EXT2: variants seen among roughly 807,000 people sequenced by gnomAD.
EXT2 encodes exostosin glycosyltransferase 2.
In EXT2, 53 loss-of-function variants were observed where a neutral mutation model predicts 81.6. That is an observed-to-expected ratio of 0.65 (90% confidence interval 0.52 to 0.82). EXT2 has a LOEUF of 0.82. EXT2 is among the 40% of genes least tolerant of loss of function. The probability of loss-of-function intolerance (pLI) is 0.00; values close to 1 mark genes in which losing one functional copy is unlikely to be tolerated. For missense variants in EXT2, 774 were observed against 910.2 expected (o/e 0.85, Z 1.93); for synonymous variants, 320 against 340.0 (o/e 0.94, Z 0.65).
chr11:44,236,466 G>A (rs2135268108), intron 13 of EXT2, 91 bp downstream of exon 13: 5 of 1,204,144 alleles, frequency 4.2e-6, no homozygotes, highest in Non-Finnish European at 6.0e-6. Flanking sequence ...GGAGATATAA[G>A]GACAGCAGCT....
chr11:44,212,793 TG>T (rs1342799083), intron 10 of EXT2, among the ~76,000 whole-genome samples: 18 of 151,978 alleles, frequency 1.2e-4, no homozygotes, highest in African/African-American at 4.4e-4. Flanking sequence ...ATCTCAGAAG[TG>T]TTATGCTAAG....
At chr11:44,096,871 G>C (rs921223836) in intron 1 of EXT2, among the ~76,000 whole-genome samples, 1 of 152,180 alleles carries the variant, frequency 6.6e-6, no homozygotes, top group African/African-American at 2.4e-5. Context: ...TGTAAGTCAG[G>C]TAAGTGCTCT....
intron 7 of EXT2, among the ~76,000 whole-genome samples, chr11:44,170,961 A>G (rs1955064455): frequency 6.6e-6 from 1 of 152,200 alleles, no homozygotes; most frequent in African/African-American, 2.4e-5. Context: ...GTTCTCGAAG[A>G]ACAGAAAAAG....
chr11:44,236,294 T>C lies in EXT2; in HGVS notation c.1937T>C (p.Val646Ala). The change falls in exon 13 of 14, where the codon GTA (valine) becomes GCA (alanine). Residue 646 changes from valine to alanine, a missense_variant and splice_region_variant. Val to Ala is a moderately conservative substitution (Grantham distance 64). Coordinates refer to ENST00000533608, the MANE Select transcript of EXT2 (RefSeq NM_207122.2). ...TATGTTTTTGTCCTCCTCTGGCAGG[T>C]AACCCCACGAAAGAAATTCAAGTGT... ...ANVTGKAVIKVTPRKKFKCPE... is the reference protein window; with the variant it reads ...ANVTGKAVIKATPRKKFKCPE... 6.2e-7 allele frequency: 1 copy of C among 1,614,082 alleles called. No individual in the cohort carries two copies. The highest frequency in any genetic ancestry group is 8.5e-7 in the Non-Finnish European group (1 of 1,179,982).
chr11:44,196,751 G>A (rs1184351900), intron 8 of EXT2, among the ~76,000 whole-genome samples: 1 of 152,162 alleles, frequency 6.6e-6, no homozygotes, highest in African/African-American at 2.4e-5. Context: ...ATCTGCCAGT[G>A]GCTACAATTT....
At chr11:44,185,437 A>G (rs1473986682) in intron 8 of EXT2, among the ~76,000 whole-genome samples, 1 of 152,104 alleles carries the variant, frequency 6.6e-6, no homozygotes, top group Non-Finnish European at 1.5e-5. Flanking sequence ...GGAAGGCTTC[A>G]TCTGTTTTAC....
In EXT2 at chr11:44,125,300, C is replaced by G. The variant is rs11037875; in HGVS notation, c.939+316C>G. 0.019 allele frequency among the ~76,000 whole-genome samples: 2,927 copies of G among 152,184 alleles called. 241 individuals are homozygous for G. In the East Asian group the frequency reaches 0.28, roughly 15 times the overall value. On this transcript the variant is annotated intron_variant, in intron 5 of 13. Coordinates refer to ENST00000533608, the MANE Select transcript of EXT2 (RefSeq NM_207122.2). ...GCAGGCAAATGTATCTTGCTTTTAC[C>G]CCCATATTCATAAGGCAGTCCAGAG...
At chr11:44,239,449 G>A (rs1444240197) in intron 13 of EXT2, among the ~76,000 whole-genome samples, 3 of 141,484 alleles carry the variant, frequency 2.1e-5, no homozygotes, top group African/African-American at 7.9e-5. Flanking sequence ...CTGGAGTTCA[G>A]TGGTGCAATC....
rs535678477 is a variant in EXT2, at chr11:44,250,195, G to T, written c.*5908G>T. Among the ~76,000 whole-genome samples, 9 of 152,324 alleles carry T rather than the reference G, an allele frequency of 5.9e-5. No individual in the cohort carries two copies. The South Asian group carries it at 1.7e-3, about 28-fold the overall frequency. On this transcript the variant is annotated 3_prime_UTR_variant, in exon 14 of 14. Transcript: ENST00000533608. ...AGTTCTAGTGGGAGTTCTTGAGCTT[G>T]GTAAGATGATGTGAGTCCATCAGTG... is the stretch of plus-strand genomic sequence containing the variant.
At chr11:44,140,939 T>G in intron 7 of EXT2, among the ~76,000 whole-genome samples, 1 of 152,352 alleles carries the variant, frequency 6.6e-6, no homozygotes, top group African/African-American at 2.4e-5. Flanking sequence ...AGAATTTTTA[T>G]AGTAAGTTAG....
intron 7 of EXT2, 92 bp downstream of exon 7, chr11:44,130,230 G>A: frequency 1.0e-6 from 1 of 963,076 alleles, no homozygotes; most frequent in Non-Finnish European, 1.7e-6. Flanking sequence ...ATGCCTGAGT[G>A]GGGTTTACTT....
intron 13 of EXT2, among the ~76,000 whole-genome samples, chr11:44,237,774 G>T (rs1007711548): frequency 1.3e-5 from 2 of 152,020 alleles, no homozygotes; most frequent in East Asian, 1.9e-4. Context: ...GGTTTAAAAT[G>T]CAGTGAGAGC....
intron 7 of EXT2, among the ~76,000 whole-genome samples, chr11:44,166,082 T>C (rs1012214652): frequency 7.9e-5 from 12 of 152,254 alleles, no homozygotes; most frequent in Admixed American, 2.0e-4. Context: ...GCAAGGATGC[T>C]GATTTTTAAA....
At chr11:44,113,569 TATAGGGA>T (rs1954176288) in intron 3 of EXT2, among the ~76,000 whole-genome samples, 1 of 152,292 alleles carries the variant, frequency 6.6e-6, no homozygotes, top group Admixed American at 6.5e-5. Flanking sequence ...CTGCTTCCTG[TATAGGGA>T]ATTGGGTTAA....
chr11:44,157,413 T>A (rs1407145013), intron 7 of EXT2, among the ~76,000 whole-genome samples: 1 of 152,222 alleles, frequency 6.6e-6, no homozygotes, highest in African/African-American at 2.4e-5. Context: ...GGTTCTCTAT[T>A]CTACGTGGCT....
chr11:44,139,334 T>C (rs974164823), intron 7 of EXT2, among the ~76,000 whole-genome samples: 2 of 152,164 alleles, frequency 1.3e-5, no homozygotes, highest in Non-Finnish European at 1.5e-5. Context: ...ATTTTATCCA[T>C]TTTTTTAATT....
chr11:44,169,610 A>T (rs910180478), intron 7 of EXT2, among the ~76,000 whole-genome samples: 1 of 152,236 alleles, frequency 6.6e-6, no homozygotes. Context: ...TAAATCGACT[A>T]TATTTGTAAT....
rs7106925 is a variant in EXT2, at chr11:44,141,535, A to G, written c.1173+11397A>G. Among the ~76,000 whole-genome samples the G allele has an allele frequency of 3.3e-3, 508 of 152,350 alleles. 2 individuals are homozygous for G. Among genetic ancestry groups the G allele is most frequent in the African/African-American group, 0.012 (492 of 41,586 alleles). On this transcript the variant is annotated intron_variant, in intron 7 of 13. Transcript: ENST00000533608. The stretch of plus-strand genomic sequence containing the variant: ...TAGTTAAGTTTAATTTAGGACAGTG[A>G]ACTGGGTGTTATTGCTTATACTATA...
At position 44,114,275 on chromosome 11, in the gene EXT2, G is replaced by A. The variant is rs1031795869; in HGVS notation, c.717G>A (p.Glu239=). The change falls in exon 4 of 14, where the codon GAG becomes GAA. Residue 239 remains glutamate (E), a synonymous_variant. Transcript: ENST00000533608. The part of the protein sequence containing the change: ...SIPVYSPLSA[E]VDLPEKGPGP... ...CTGTCTATAGTCCACTGTCAGCTGA[G>A]GTGGATCTTCCAGAGAAAGGACCAG... 1.2e-6 allele frequency: 2 copies of A among 1,613,886 alleles called. No homozygotes were observed. Among genetic ancestry groups the A allele is most frequent in the African/African-American group, 2.7e-5 (2 of 74,890 alleles).
Sources: allele counts gnomAD v4.1 joint callset (sites outside exome capture counted in the v4.1 genomes callset), GRCh38; gene constraint gnomAD v4.1.1; transcripts MANE v1.5; gene names NCBI Gene and HGNC (gene_info 2026-07-23, HGNC 2026-07-21).